CD101: variants seen among roughly 807,000 people sequenced by gnomAD.
CD101 encodes immunoglobulin superfamily member 2.
A neutral mutation model predicts 98.2 loss-of-function variants in CD101; 76 were observed. The ratio of observed to expected loss-of-function variants is 0.77; its 90% CI spans 0.64 to 0.94. CD101 has a LOEUF of 0.94. Ranked by LOEUF, CD101 falls within the 40% of genes least tolerant of loss-of-function variation. The pLI is 0.00. For missense variants in CD101, 1,145 were observed against 1,218.8 expected, an observed-to-expected ratio of 0.94 and a Z score of 0.90; for synonymous variants, 471 against 472.7, an observed-to-expected ratio of 1.00 and a Z score of 0.05.
chr1:117,028,751 GTTGA>G (rs1259274316), intron 8 of CD101, among the ~76,000 whole-genome samples: 5 of 152,124 alleles, frequency 3.3e-5, no homozygotes, highest in South Asian at 2.1e-4. Context: ...TTGCAAAGAG[GTTGA>G]TTAAGATAAC....
intron 8 of CD101, among the ~76,000 whole-genome samples, chr1:117,029,615 G>A (rs527538585): frequency 6.6e-6 from 1 of 152,252 alleles, no homozygotes. Flanking sequence ...CTAGCACAGT[G>A]CCTGGCACAT....
At chr1:117,030,777 C>T (rs1015652189) in intron 8 of CD101, among the ~76,000 whole-genome samples, 5 of 152,250 alleles carry the variant, frequency 3.3e-5, no homozygotes, top group Admixed American at 6.5e-5. Context: ...CCAACTCCCA[C>T]ATGGCTGCAT....
chr1:117,015,457 GA>G (rs1035403121), intron 4 of CD101, among the ~76,000 whole-genome samples: 1 of 151,754 alleles, frequency 6.6e-6, no homozygotes, highest in Admixed American at 6.6e-5. Context: ...TTTTTAACTT[GA>G]AAAAAACTAA....
chr1:117,032,534 C>A (rs1654525894), intron 8 of CD101: 1 of 152,218 alleles, frequency 6.6e-6, no homozygotes, highest in South Asian at 2.1e-4. Context: ...AAAATGACCT[C>A]TAAACCTCTT....
At chr1:117,009,786 G>T (rs1486511425) in intron 1 of CD101, 64 bp from the exon 2 acceptor site, 1 of 1,495,910 alleles carries the variant, frequency 6.7e-7, no homozygotes, top group Non-Finnish European at 9.0e-7. Context: ...AATACATAAC[G>T]TGGTACACTG....
intron 1 of CD101, among the ~76,000 whole-genome samples, chr1:117,007,189 G>T (rs1424711985): frequency 6.6e-6 from 1 of 151,858 alleles, no homozygotes; most frequent in East Asian, 1.9e-4. Context: ...CAAATTTTCA[G>T]TTTAACAAAT....
At position 117,027,749 on chromosome 1, in the gene CD101, G is replaced by A. The variant is rs1654034514; in HGVS notation, c.2824+1845G>A. On this transcript the variant is annotated intron_variant, in intron 8 of 9. Coordinates refer to ENST00000682167, the MANE Select transcript of CD101 (RefSeq NM_001256106.3). ...TCATTGAAAAAGTTTAAGCAGGGGA[G>A]TGACATGATCAGATTTTCCTTTTAG... Among the ~76,000 whole-genome samples, 4 of 152,286 alleles carry A rather than the reference G, an allele frequency of 2.6e-5. No individual in the cohort carries two copies. In the South Asian group the frequency reaches 8.3e-4, roughly 32 times the overall value.
Position 117,006,574 on chromosome 1 carries a change from T to C in CD101, c.44-3276T>C, listed in dbSNP as rs971581078. On this transcript the variant is annotated intron_variant, in intron 1 of 9. Transcript: ENST00000682167. The surrounding 1 kb of genome is among the most constrained non-coding windows in gnomAD (Gnocchi z 4.4). ...CTTTAATTTTGAGTAAGTCTTTTGA[T>C]TCCTACTCAGAGTCTTGCCATGAAA... 2.0e-5 allele frequency among the ~76,000 whole-genome samples: 3 copies of C among 152,142 alleles called. No individual in the cohort carries two copies. The highest frequency in any genetic ancestry group is 7.2e-5 in the African/African-American group (3 of 41,418).
intron 9 of CD101, among the ~76,000 whole-genome samples, chr1:117,035,803 C>T (rs1227204177): frequency 1.3e-5 from 2 of 152,152 alleles, no homozygotes; most frequent in Admixed American, 6.5e-5. Flanking sequence ...CCACCCGCCT[C>T]GGCCTCCCAA....
rs1240877914 is a variant in CD101, at chr1:117,010,158, G to A, written c.352G>A (p.Glu118Lys). The A allele has an allele frequency of 4.3e-6, 7 of 1,614,076 alleles. No homozygotes were observed. Among genetic ancestry groups the A allele is most frequent in the African/African-American group, 4.0e-5 (3 of 74,932 alleles). The change falls in exon 2 of 10, where the codon GAG becomes AAG. Residue 118 changes from glutamate to lysine, a missense_variant. Coordinates refer to ENST00000682167, the MANE Select transcript of CD101 (RefSeq NM_001256106.3). This position sits in a 1 kb window ranked among gnomAD's most constrained non-coding sequence, Gnocchi z 5.2. ...ISKLQMKDAG[E>K]YECHTPNTDE... ...AAAACTCCAGATGAAGGATGCTGGC[G>A]AGTATGAGTGTCACACACCAAACAC...
In CD101 at chr1:117,021,522, C is replaced by T; in HGVS notation, c.2018-51C>T. ...ACTTGACCTCTAATGTCTCTACTAC[C>T]TTAACTTTCTATTTCATAGCAAAGT... On this transcript the variant is annotated intron_variant, in intron 6 of 9. Coordinates refer to ENST00000682167, the MANE Select transcript of CD101 (RefSeq NM_001256106.3). This position sits in a 1 kb window ranked among gnomAD's most constrained non-coding sequence, Gnocchi z 4.7. 1 of 1,479,322 alleles carries T rather than the reference C, an allele frequency of 6.8e-7. No homozygotes were observed. The highest frequency in any genetic ancestry group is 2.3e-5 in the East Asian group (1 of 43,058). The allele number at this position is 1,479,322 out of a possible 1,614,324, so 91.6% of individuals were successfully genotyped here.
rs1341252939 is a variant in CD101 at position 117,012,759 on chromosome 1, G to C, written c.842-647G>C. On this transcript the variant is annotated intron_variant, in intron 3 of 9. Transcript: ENST00000682167. The surrounding 1 kb of genome is among the most constrained non-coding windows in gnomAD (Gnocchi z 4.0). ...CATTTTTGTCAAAGCAAGTATAAAG[G>C]CCTTGTCTGTGATTCCTGGTCTCTA... Among the ~76,000 whole-genome samples, 1 of 152,088 alleles carries C rather than the reference G, an allele frequency of 6.6e-6. No homozygotes were observed. Among genetic ancestry groups the C allele is most frequent in the Non-Finnish European group, 1.5e-5 (1 of 68,024 alleles).
chr1:117,020,243 G>A (rs867055593), intron 6 of CD101, among the ~76,000 whole-genome samples: 3 of 152,202 alleles, frequency 2.0e-5, no homozygotes, highest in South Asian at 2.1e-4. Flanking sequence ...GGGACATGAG[G>A]AACAAAAATT....
chr1:117,030,663 C>T (rs1654401510), intron 8 of CD101, among the ~76,000 whole-genome samples: 1 of 152,208 alleles, frequency 6.6e-6, no homozygotes, highest in South Asian at 2.1e-4. Flanking sequence ...AATGAGCAGG[C>T]ACGTCTTCAG....
intron 9 of CD101, among the ~76,000 whole-genome samples, chr1:117,034,679 A>G (rs1049392532): frequency 6.6e-6 from 1 of 152,232 alleles, no homozygotes; most frequent in Non-Finnish European, 1.5e-5. Flanking sequence ...AGTTCTGTGT[A>G]AAGGTGCTTA....
chr1:117,024,376 C>T (rs1462675247), intron 7 of CD101, among the ~76,000 whole-genome samples: 1 of 152,192 alleles, frequency 6.6e-6, no homozygotes, highest in Non-Finnish European at 1.5e-5. Flanking sequence ...GCTCGGGAGG[C>T]TGAGGCAGGA....
In CD101 at chr1:117,025,205, A is replaced by G. The variant is rs557344191; in HGVS notation, c.2429-304A>G. On this transcript the variant is annotated intron_variant, in intron 7 of 9. Coordinates refer to ENST00000682167, the MANE Select transcript of CD101 (RefSeq NM_001256106.3). ...TGGTGAAACCCCGTCTCTACTAAAA[A>G]TACAAAAATCAGCTGGGCATGGTGG... Among the ~76,000 whole-genome samples the G allele has an allele frequency of 3.9e-5, 6 of 152,260 alleles. No homozygotes were observed. In the South Asian group the frequency reaches 6.2e-4, roughly 16 times the overall value.
In CD101 at chr1:117,025,135, G is replaced by C. The variant is rs536165164; in HGVS notation, c.2429-374G>C. Among the ~76,000 whole-genome samples the C allele has an allele frequency of 1.2e-4, 19 of 152,314 alleles. 1 individual carries two copies. Among genetic ancestry groups the C allele is most frequent in the Admixed American group, 1.0e-3 (16 of 15,306 alleles). ...CCCAACACTTTGGGAGGCTGAGGTG[G>C]GCAGATCACTTGAAGCCAGGAGCTC... On this transcript the variant is annotated intron_variant, in intron 7 of 9. Coordinates refer to ENST00000682167, the MANE Select transcript of CD101 (RefSeq NM_001256106.3).
In CD101 at chr1:117,018,354, G is replaced by A. The variant is rs1222677835; in HGVS notation, c.1811G>A (p.Gly604Glu). The A allele has an allele frequency of 1.2e-6, 2 of 1,614,126 alleles. No individual in the cohort carries two copies. The highest frequency in any genetic ancestry group is 3.3e-5 in the Admixed American group (2 of 60,012). The change falls in exon 6 of 10, where the codon GGG (glycine) becomes GAG (glutamate). Residue 604 changes from glycine to glutamate, a missense_variant. By Grantham distance (98) the Gly-to-Glu change is moderately conservative. Transcript: ENST00000682167. This position sits in a 1 kb window ranked among gnomAD's most constrained non-coding sequence, Gnocchi z 4.3. ...RITHNGTIEW[G>E]NFLSRFQKKT... ...ACCCACAATGGCACTATTGAATGGG[G>A]GAATTTCCTATCCCGGTTCCAAAAG...
Sources: allele counts gnomAD v4.1 joint callset (sites outside exome capture counted in the v4.1 genomes callset), GRCh38; gene constraint gnomAD v4.1.1; non-coding constraint Gnocchi (gnomAD v3.1); transcripts MANE v1.5; gene names NCBI Gene and HGNC (gene_info 2026-07-23, HGNC 2026-07-21).